The following TOR1AIP1 variants were observed in gnomAD, a reference collection of about 807,000 sequenced individuals.
TOR1AIP1 encodes torsin 1A interacting protein 1.
In TOR1AIP1, 54 loss-of-function variants were observed where a neutral mutation model predicts 63.3. The observed-to-expected ratio is 0.85, with a 90% CI of 0.69 to 1.07. The LOEUF (loss-of-function observed/expected upper bound fraction) is 1.07, where lower values mean the gene tolerates loss of function less well. TOR1AIP1 is among the 50% of genes least tolerant of loss of function. The pLI, the probability that TOR1AIP1 is intolerant of heterozygous loss-of-function variation, is 0.00. For synonymous variants in TOR1AIP1, 294 were observed against 273.5 expected, an observed-to-expected ratio of 1.07 and a Z score of -0.74; for missense variants, 736 against 715.0, an observed-to-expected ratio of 1.03 and a Z score of -0.33.
rs1649093030 is a variant in TOR1AIP1 at position 179,918,463 on chromosome 1, G to C, written c.*224G>C. 1.9e-6 allele frequency: 1 copy of C among 524,610 alleles called. No individual in the cohort carries two copies. The highest frequency in any genetic ancestry group is 3.7e-5 in the Admixed American group (1 of 27,318). 32.5% of individuals were successfully genotyped at this position (524,610 alleles called of 1,614,324 possible). ...GAGAGCTCTGTTAAAGGTATCTTAG[G>C]AGTGCAGATTATATGCAGTTCCTTA... is the stretch of plus-strand genomic sequence containing the variant. On this transcript the variant is annotated 3_prime_UTR_variant, in exon 10 of 10. Coordinates refer to ENST00000606911, the MANE Select transcript of TOR1AIP1 (RefSeq NM_015602.4).
intron 3 of TOR1AIP1, among the ~76,000 whole-genome samples, chr1:179,891,893 T>TA (rs1192056913): frequency 6.6e-6 from 1 of 152,156 alleles, no homozygotes; most frequent in Non-Finnish European, 1.5e-5. Flanking sequence ...GTGAATTCGA[T>TA]ACGTTGTTCA....
chr1:179,882,950 G>T lies in TOR1AIP1; in HGVS notation c.448G>T (p.Gly150Trp). ...LQPSPVMTRR[G>W]LRDSHSSEED... ...GCCGTCTCCTGTTATGACCAGGAGA[G>T]GGCTGCGGGACTCTCATTCCTCTGA... Residue 150 changes from glycine (G) to tryptophan (W), a missense_variant, in exon 1 of 10, where the codon GGG becomes TGG. By Grantham distance (184) the Gly-to-Trp change is radical (BLOSUM62 -2). Coordinates refer to ENST00000606911, the MANE Select transcript of TOR1AIP1 (RefSeq NM_015602.4). 1 of 1,613,372 alleles carries T rather than the reference G, an allele frequency of 6.2e-7. No homozygotes were observed. The highest frequency in any genetic ancestry group is 8.5e-7 in the Non-Finnish European group (1 of 1,179,800).
rs1052493869 is a variant in TOR1AIP1 at position 179,889,203 on chromosome 1, A to C, written c.554-110A>C. ...GCTTGTCTCTACTTCTCTAGCGTAA[A>C]TAAAAGCTCTGTAAACCTTTGTTGA... On this transcript the variant is annotated intron_variant, in intron 2 of 9. Coordinates refer to ENST00000606911, the MANE Select transcript of TOR1AIP1 (RefSeq NM_015602.4). 6.2e-6 allele frequency: 5 copies of C among 807,082 alleles called. No individual in the cohort carries two copies. The South Asian group carries it at 1.4e-4, about 23-fold the overall frequency. 50.0% of individuals were successfully genotyped at this position (807,082 alleles called of 1,614,324 possible). A position where few individuals can be genotyped will look rare whatever the true frequency, so the allele number is the denominator to read the frequency against.
At position 179,882,961 on chromosome 1, in the gene TOR1AIP1, C is replaced by T. The variant is rs747268474; in HGVS notation, c.459C>T (p.Asp153=). The T allele has an allele frequency of 2.0e-5, 33 of 1,612,140 alleles. No homozygotes were observed. Among genetic ancestry groups the T allele is most frequent in the Non-Finnish European group, 2.8e-5 (33 of 1,179,474 alleles). Reference sequence around the variant, plus strand: ...TTATGACCAGGAGAGGGCTGCGGGACTCTCATTCCTCTGAAGGTGAGGACC... The same window carrying T: ...TTATGACCAGGAGAGGGCTGCGGGATTCTCATTCCTCTGAAGGTGAGGACC... ...SPVMTRRGLR[D]SHSSEEDEAS... Residue 153 remains aspartate, a synonymous_variant, in exon 1 of 10, where the codon GAC becomes GAT. Coordinates refer to ENST00000606911, the MANE Select transcript of TOR1AIP1 (RefSeq NM_015602.4).
chr1:179,916,173 A>G (rs1462447790), intron 9 of TOR1AIP1, among the ~76,000 whole-genome samples: 2 of 152,208 alleles, frequency 1.3e-5, no homozygotes, highest in Non-Finnish European at 2.9e-5. Context: ...GAAAAATAAC[A>G]ATGACTACAC....
At chr1:179,883,928 T>C (rs970366897) in intron 1 of TOR1AIP1, 18 of 283,198 alleles carry the variant, frequency 6.4e-5, no homozygotes, top group South Asian at 3.4e-4. Context: ...TGAGTCACAA[T>C]GGGATGACAT....
At chr1:179,884,614 A>T in intron 1 of TOR1AIP1, 78 bp from the exon 2 acceptor site, 1 of 1,245,700 alleles carries the variant, frequency 8.0e-7, no homozygotes, top group East Asian at 2.5e-5. Flanking sequence ...ATGTATTGTT[A>T]CAAAAATGCA....
At chr1:179,909,383 TTTTTGTTTTG>T (rs144067149) in intron 8 of TOR1AIP1, among the ~76,000 whole-genome samples, 85,473 of 147,512 alleles carry the variant, frequency 0.58, 25,554 homozygotes, top group East Asian at 0.75. Flanking sequence ...TTTTTTCTGT[TTTTTGTTTTG>T]TTTTGTTTTG....
chr1:179,905,380 C>G (rs1295613140), intron 6 of TOR1AIP1, among the ~76,000 whole-genome samples: 2 of 150,916 alleles, frequency 1.3e-5, no homozygotes, highest in Non-Finnish European at 2.9e-5. Flanking sequence ...GACCCTGTCT[C>G]AAGAAAAAAG....
intron 2 of TOR1AIP1, among the ~76,000 whole-genome samples, chr1:179,885,141 C>T (rs550415709): frequency 6.6e-6 from 1 of 152,306 alleles, no homozygotes; most frequent in African/African-American, 2.4e-5. Context: ...TTATACTGCC[C>T]TGTGTTTAAA....
intron 6 of TOR1AIP1, among the ~76,000 whole-genome samples, chr1:179,905,942 G>T (rs1648621751): frequency 6.6e-6 from 1 of 151,672 alleles, no homozygotes; most frequent in Non-Finnish European, 1.5e-5. Flanking sequence ...GACAGGGCAA[G>T]ACTCCATCTC....
chr1:179,901,431 T>C (rs767999838), intron 5 of TOR1AIP1, 43 bp downstream of exon 5: 9 of 1,207,212 alleles, frequency 7.5e-6, no homozygotes. Context: ...CATAGAACTA[T>C]CTTTGGTATT....
intron 1 of TOR1AIP1, 148 bp from the exon 2 acceptor site, chr1:179,884,544 T>G: frequency 1.7e-6 from 1 of 587,910 alleles, no homozygotes; most frequent in Non-Finnish European, 2.9e-6. Context: ...GTATATTTCC[T>G]AAGTTTTGGT....
In TOR1AIP1 at chr1:179,884,713, C is replaced by T; in HGVS notation, c.497C>T (p.Thr166Ile). The T allele has an allele frequency of 2.5e-6, 4 of 1,611,058 alleles. No homozygotes were observed. The highest frequency in any genetic ancestry group is 3.4e-6 in the Non-Finnish European group (4 of 1,178,900). Residue 166 changes from threonine to isoleucine, a missense_variant, in exon 2 of 10, where the codon ACT (threonine) becomes ATT (isoleucine). Around this residue, in one of 2 missense-constraint regions of TOR1AIP1, gnomAD observed 464 missense variants for 371.0 expected, o/e 1.25. Transcript: ENST00000606911. ...SSEEDEASSQ[T>I]DLSQTISKKT... ...TTAGAGGATGAAGCATCTTCCCAAACTGATTTAAGCCAAACGATCTCAAAG... is the reference window on the plus strand; with the variant it reads ...TTAGAGGATGAAGCATCTTCCCAAATTGATTTAAGCCAAACGATCTCAAAG...
chr1:179,897,946 A>G (rs1648337705), intron 3 of TOR1AIP1, among the ~76,000 whole-genome samples: 1 of 152,138 alleles, frequency 6.6e-6, no homozygotes, highest in Non-Finnish European at 1.5e-5. Flanking sequence ...TACAAAAAGT[A>G]TAAATATTAG....
At chr1:179,901,233 GT>G in intron 4 of TOR1AIP1, 68 bp from the exon 5 acceptor site, 9 of 1,060,414 alleles carry the variant, frequency 8.5e-6, no homozygotes, top group Non-Finnish European at 1.1e-5. Flanking sequence ...TATTTGCTTG[GT>G]TTTTTTAAAT....
intron 8 of TOR1AIP1, 143 bp downstream of exon 8, chr1:179,908,816 A>G (rs1205972492): frequency 2.9e-6 from 2 of 688,340 alleles, no homozygotes; most frequent in Non-Finnish European, 4.8e-6. Flanking sequence ...TAGTTTAGTA[A>G]TTTCTTGGAC....
At chr1:179,907,690 A>G in intron 6 of TOR1AIP1, 133 bp from the exon 7 acceptor site, 1 of 372,424 alleles carries the variant, frequency 2.7e-6, no homozygotes, top group East Asian at 4.9e-5. Flanking sequence ...ATATGCTTGG[A>G]ATTGATGAGA....
At chr1:179,883,104 GC>G (rs1347514518) in intron 1 of TOR1AIP1, 127 bp downstream of exon 1, 11 of 878,434 alleles carry the variant, frequency 1.3e-5, no homozygotes, top group Non-Finnish European at 1.9e-5. Flanking sequence ...GTATTCCTCA[GC>G]CCCCTCTGGA....
Sources: gnomAD v4.1 joint callset for allele counts (sites outside exome capture counted in the v4.1 genomes callset) on GRCh38, gnomAD v4.1.1 for gene constraint, gnomAD v4.1.1 regional missense constraint, MANE v1.5 for transcripts, NCBI Gene and HGNC (gene_info 2026-07-23, HGNC 2026-07-21) for gene names.